Variants in LRRC61 observed in about 807,000 individuals in gnomAD.
LRRC61 encodes the protein leucine rich repeat containing 61.
LRRC61 carries 9 observed loss-of-function variants against 15.1 expected under a neutral mutation model. The ratio of observed to expected loss-of-function variants is 0.60; its 90% CI spans 0.36 to 1.04. The LOEUF is 1.04. Ranked by LOEUF, LRRC61 falls within the 50% of genes least tolerant of loss-of-function variation. The pLI, the probability that LRRC61 is intolerant of heterozygous loss-of-function variation, is 0.01. For missense variants in LRRC61, 344 were observed against 335.6 expected (o/e 1.03, Z -0.20); for synonymous variants, 173 against 158.6 (o/e 1.09, Z -0.68).
At chr7:150,334,539 G>T (rs1461201972) in intron 2 of LRRC61, among the ~76,000 whole-genome samples, 1 of 152,188 alleles carries the variant, frequency 6.6e-6, no homozygotes, top group Non-Finnish European at 1.5e-5. Flanking sequence ...AGCATGGTTG[G>T]CCCCATGCAC....
intron 1 of LRRC61, among the ~76,000 whole-genome samples, chr7:150,323,984 C>T (rs1478124678): frequency 1.3e-5 from 2 of 152,138 alleles, no homozygotes; most frequent in Admixed American, 1.3e-4. Flanking sequence ...TTTTTTTGCA[C>T]AGTATGAAAC....
At position 150,337,232 on chromosome 7, in the gene LRRC61, T is replaced by TG; in HGVS notation, c.373dup (p.Glu125GlyfsTer39). The TG allele has an allele frequency of 6.2e-7, 1 of 1,604,602 alleles. No homozygotes were observed. Among genetic ancestry groups the TG allele is most frequent in the Non-Finnish European group, 8.5e-7 (1 of 1,179,898 alleles). ...CAGTGTCTGGCTGGGCTACCGTGCC[T>TG]GGAGTACCTGCGGCTCCGAGACCCT... On this transcript the variant is annotated frameshift_variant, in exon 3 of 3. Coordinates refer to ENST00000359623, the MANE Select transcript of LRRC61 (RefSeq NM_001142928.2). LOFTEE classifies it high-confidence loss of function.
chr7:150,312,063 C>T, the LRRC61 span, among the ~76,000 whole-genome samples: 16 of 152,180 alleles, frequency 1.1e-4, no homozygotes, highest in African/African-American at 3.9e-4. Context: ...ACACCAGAAA[C>T]CAACGGATCT....
chr7:150,315,047 CTTTTATTA>C, the LRRC61 span, among the ~76,000 whole-genome samples: 1 of 143,942 alleles, frequency 6.9e-6, no homozygotes, highest in Non-Finnish European at 1.5e-5. Context: ...TTAATAATTA[CTTTTATTA>C]TTTTATTATT....
At chr7:150,325,399 C>T (rs1170550045) in intron 1 of LRRC61, among the ~76,000 whole-genome samples, 1 of 152,220 alleles carries the variant, frequency 6.6e-6, no homozygotes, top group Admixed American at 6.5e-5. Flanking sequence ...AGCTTAGAAG[C>T]CCTTGGAATC....
upstream of LRRC61, among the ~76,000 whole-genome samples, chr7:150,322,315 A>G (rs568519014): frequency 4.6e-5 from 7 of 152,382 alleles, no homozygotes; most frequent in South Asian, 2.1e-4. Context: ...AGGATGAGAC[A>G]GAAGGTTGGC....
intron 2 of LRRC61, among the ~76,000 whole-genome samples, chr7:150,328,212 G>T (rs1056373293): frequency 1.3e-5 from 2 of 152,110 alleles, no homozygotes; most frequent in Non-Finnish European, 2.9e-5. Flanking sequence ...CAGAAGATCT[G>T]GTCCAAAATA....
chr7:150,317,850 C>A, the LRRC61 span, among the ~76,000 whole-genome samples: 126 of 152,060 alleles, frequency 8.3e-4, no homozygotes, highest in African/African-American at 2.9e-3. Context: ...CTCTTTAAAT[C>A]TATGACCACC....
Position 150,330,534 on chromosome 7 carries a change from G to A in LRRC61, c.-145+4524G>A, listed in dbSNP as rs1382641688. ...GGAGCAGAGTGTCGGGGAGAGGGGC[G>A]CAGCCATCCAGCTGGCTGAGGGGTT... On this transcript the variant is annotated intron_variant, in intron 2 of 2. Transcript: ENST00000359623. The surrounding 1 kb of genome is among the most constrained non-coding windows in gnomAD (Gnocchi z 4.6). 1.5e-5 allele frequency: 12 copies of A among 777,206 alleles called. No individual in the cohort carries two copies. The highest frequency in any genetic ancestry group is 1.2e-4 in the East Asian group (5 of 41,208). The allele number at this position is 777,206 out of a possible 1,614,324, so 48.1% of individuals were successfully genotyped here.
Position 150,337,435 on chromosome 7 carries a change from A to G in LRRC61, c.574A>G (p.Arg192Gly), listed in dbSNP as rs1476648720. Residue 192 changes from arginine (R) to glycine (G), a missense_variant, in exon 3 of 3, where the codon AGA (arginine) becomes GGA (glycine). By Grantham distance (125) the Arg-to-Gly change is moderately radical (BLOSUM62 -2). Transcript: ENST00000359623. ...GCGTCCCAGCTCCAGTCCAGGCCCC[A>G]GAGCCACCGAGGCCCAGCCCTGGGT... Reference protein sequence around the residue: ...SLRPSSSPGPRATEAQPWVEP... With the variant: ...SLRPSSSPGPGATEAQPWVEP... 1 of 1,604,748 alleles carries G rather than the reference A, an allele frequency of 6.2e-7. No individual in the cohort carries two copies. The highest frequency in any genetic ancestry group is 1.1e-5 in the South Asian group (1 of 91,062).
At chr7:150,325,409 C>A (rs1241520633) in intron 1 of LRRC61, among the ~76,000 whole-genome samples, 2 of 152,248 alleles carry the variant, frequency 1.3e-5, no homozygotes, top group Non-Finnish European at 2.9e-5. Flanking sequence ...CCCTTGGAAT[C>A]TTGTCTTGTT....
At chr7:150,313,586 A>AG in the LRRC61 span, among the ~76,000 whole-genome samples, 1 of 152,082 alleles carries the variant, frequency 6.6e-6, no homozygotes, top group Non-Finnish European at 1.5e-5. Flanking sequence ...TCAAGAAGGG[A>AG]GGGGGGTACA....
the LRRC61 span, among the ~76,000 whole-genome samples, chr7:150,315,035 T>C: frequency 6.8e-6 from 1 of 147,400 alleles, no homozygotes; most frequent in Non-Finnish European, 1.5e-5. Flanking sequence ...TTATAAATAA[T>C]ATTAATAATT....
At chr7:150,331,194 C>T in intron 2 of LRRC61, 1 of 1,432,018 alleles carries the variant, frequency 7.0e-7, no homozygotes, top group Non-Finnish European at 9.4e-7. Flanking sequence ...TTGAGCATCT[C>T]CTCTTCTTGA....
chr7:150,318,599 TA>T (rs1797180122), upstream of LRRC61, among the ~76,000 whole-genome samples: 1 of 152,086 alleles, frequency 6.6e-6, no homozygotes, highest in South Asian at 2.1e-4. Flanking sequence ...CCATCTGTAC[TA>T]AAAATACAAA....
upstream of LRRC61, among the ~76,000 whole-genome samples, chr7:150,319,746 C>G (rs1397688854): frequency 2.0e-5 from 3 of 152,218 alleles, no homozygotes; most frequent in Admixed American, 1.3e-4. Context: ...CTACCAACCT[C>G]TCCCCTGACC....
Position 150,336,802 on chromosome 7 carries a change from C to T in LRRC61, c.-60C>T, listed in dbSNP as rs1448609093. On this transcript the variant is annotated 5_prime_UTR_variant, in exon 3 of 3. Transcript: ENST00000359623. Reference sequence around the variant, plus strand: ...AGCCAGGGCGAGCACCAGCTGACCCCCAGTGGAACCCTGTGACAGTCCTGC... The same window carrying T: ...AGCCAGGGCGAGCACCAGCTGACCCTCAGTGGAACCCTGTGACAGTCCTGC... The T allele has an allele frequency of 1.3e-6, 2 of 1,547,374 alleles. No homozygotes were observed. Among genetic ancestry groups the T allele is most frequent in the East Asian group, 2.3e-5 (1 of 44,324 alleles).
the LRRC61 span, among the ~76,000 whole-genome samples, chr7:150,313,614 C>T: frequency 3.3e-5 from 5 of 152,218 alleles, no homozygotes; most frequent in Non-Finnish European, 7.3e-5. Context: ...ATATCCAACC[C>T]TCCCTTCCCA....
upstream of LRRC61, chr7:150,323,292 G>A (rs1962004): frequency 0.22 from 57,032 of 258,264 alleles, 7,364 homozygotes; most frequent in East Asian, 0.29. Context: ...GTAACCCCTG[G>A]CGCATCCCGG....
Sources: allele counts gnomAD v4.1 joint callset (sites outside exome capture counted in the v4.1 genomes callset), GRCh38; gene constraint gnomAD v4.1.1; non-coding constraint Gnocchi (gnomAD v3.1); transcripts MANE v1.5; gene names NCBI Gene and HGNC (gene_info 2026-07-23, HGNC 2026-07-21).